Variants in ANKZF1 observed in about 807,000 individuals in gnomAD.
ANKZF1 encodes ankyrin repeat and zinc finger peptidyl tRNA hydrolase 1.
A neutral mutation model predicts 86.0 loss-of-function variants in ANKZF1; 84 were observed. The observed-to-expected ratio is 0.98, with a 90% confidence interval of 0.82 to 1.17. The LOEUF is 1.17. ANKZF1 is among the 50% of genes most tolerant of loss of function. The probability of loss-of-function intolerance (pLI) is 0.00; values close to 1 mark genes in which losing one functional copy is unlikely to be tolerated. For synonymous variants in ANKZF1, 331 were observed against 354.2 expected, an observed-to-expected ratio of 0.93 and a Z score of 0.74; for missense variants, 893 against 918.4, an observed-to-expected ratio of 0.97 and a Z score of 0.36.
chr2:219,230,622 A>G lies in ANKZF1; in HGVS notation c.148+217A>G, dbSNP rs1574842249. Reference sequence around the variant, plus strand: ...GCATGTATCTCCTCACGTTAACACCATTCCCTTCAAAAACACTTTAAACTT... The same window carrying G: ...GCATGTATCTCCTCACGTTAACACCGTTCCCTTCAAAAACACTTTAAACTT... On this transcript the variant is annotated intron_variant, in intron 2 of 13. Transcript: ENST00000323348. 5 of 469,110 alleles carry G rather than the reference A, an allele frequency of 1.1e-5. 1 individual carries two copies. In the Admixed American group the frequency reaches 1.7e-4, roughly 16 times the overall value. The allele number at this position is 469,110 out of a possible 1,614,324, so 29.1% of individuals were successfully genotyped here. A position where few individuals can be genotyped will look rare whatever the true frequency, so the allele number is the denominator to read the frequency against.
rs76130952 is a variant in ANKZF1, at chr2:219,235,741, C to T, written c.1837C>T (p.Arg613Trp). The change falls in exon 12 of 14, where the codon CGG (arginine) becomes TGG (tryptophan). Residue 613 changes from arginine to tryptophan, a missense_variant. Transcript: ENST00000323348. ...PGPLTPEMEA[R>W]QATRKREQKA... ...ACCATTGACACCAGAAATGGAGGCA[C>T]GGCAGGCTACACGGAAAAGGGAGCA... The T allele has an allele frequency of 1.7e-5, 27 of 1,614,112 alleles. No individual in the cohort carries two copies. Among genetic ancestry groups the T allele is most frequent in the South Asian group, 4.4e-5 (4 of 91,080 alleles).
In ANKZF1 at chr2:219,235,535, C is replaced by T. The variant is rs370396125; in HGVS notation, c.1753C>T (p.Arg585Ter). ...AADKSTRNEF[R>*]RFMEKNPDAY... ...TGACAAATCAACACGTAATGAGTTC[C>T]GAAGGTTCATGGAGAAGAATCCAGA... The change falls in exon 11 of 14, where the codon CGA becomes TGA. Residue 585 changes from arginine to a stop codon, truncating the protein, a stop_gained. Coordinates refer to ENST00000323348, the MANE Select transcript of ANKZF1 (RefSeq NM_018089.3). LOFTEE classifies it high-confidence loss of function. 34 of 1,613,954 alleles carry T rather than the reference C, an allele frequency of 2.1e-5. No individual in the cohort carries two copies. The highest frequency in any genetic ancestry group is 6.7e-5 in the East Asian group (3 of 44,852).
At position 219,235,832 on chromosome 2, in the gene ANKZF1, G is replaced by A. The variant is rs370350754; in HGVS notation, c.1928G>A (p.Arg643Gln). 6.8e-6 allele frequency: 11 copies of A among 1,614,078 alleles called. No individual in the cohort carries two copies. In the East Asian group the frequency reaches 1.1e-4, roughly 16 times the overall value. The change falls in exon 12 of 14, where the codon CGA becomes CAA. Residue 643 changes from arginine (R) to glutamine (Q), a missense_variant. Arg to Gln is a conservative substitution (Grantham distance 43). Transcript: ENST00000323348. ...CAGCAGGAGCAGGAGGAGCGTGAAC[G>A]AGAAGAGCAGCGGCGATTTGCCGCC... is the stretch of plus-strand genomic sequence containing the variant. Reference protein sequence around the residue: ...QRQQEQEEREREEQRRFAALS... With the variant: ...QRQQEQEEREQEEQRRFAALS...
At chr2:219,236,280 T>G in intron 13 of ANKZF1, 42 bp from the exon 14 acceptor site, 1 of 1,613,120 alleles carries the variant, frequency 6.2e-7, no homozygotes, top group Non-Finnish European at 8.5e-7. Context: ...ATTGGAAAGT[T>G]TCTGGGGTAC....
Position 219,231,860 on chromosome 2 carries a change from T to C in ANKZF1, c.149-68T>C, listed in dbSNP as rs778858947. ...CTCCTCTGCTTTGTATATCACACTC[T>C]GAATATAATTCTTGTCACTGTGGAT... is the stretch of plus-strand genomic sequence containing the variant. On this transcript the variant is annotated intron_variant, in intron 2 of 13. Coordinates refer to ENST00000323348, the MANE Select transcript of ANKZF1 (RefSeq NM_018089.3). 3 of 1,300,828 alleles carry C rather than the reference T, an allele frequency of 2.3e-6. No homozygotes were observed. The East Asian group carries it at 6.9e-5, about 30-fold the overall frequency. The allele number at this position is 1,300,828 out of a possible 1,614,324, so 80.6% of individuals were successfully genotyped here. A position where few individuals can be genotyped will look rare whatever the true frequency, so the allele number is the denominator to read the frequency against.
In ANKZF1 at chr2:219,235,507, G is replaced by C; in HGVS notation, c.1725G>C (p.Ala575=). Residue 575 remains alanine, a synonymous_variant, in exon 11 of 14, where the codon GCG becomes GCC. Coordinates refer to ENST00000323348, the MANE Select transcript of ANKZF1 (RefSeq NM_018089.3). ...GGGCCCGGCCACCTTATACTGTTGC[G>C]GCTGACAAATCAACACGTAATGAGT... is the stretch of plus-strand genomic sequence containing the variant. The part of the protein sequence containing the change: ...DSRARPPYTV[A]ADKSTRNEFR... The C allele has an allele frequency of 1.2e-6, 2 of 1,613,898 alleles. No homozygotes were observed. The highest frequency in any genetic ancestry group is 1.7e-6 in the Non-Finnish European group (2 of 1,180,010).
At chr2:219,232,237 C>G (rs745593190) in intron 3 of ANKZF1, 23 bp from the exon 4 acceptor site, 2 of 1,608,578 alleles carry the variant, frequency 1.2e-6, no homozygotes, top group African/African-American at 1.3e-5. Context: ...CCACCTTTAT[C>G]TCACTCTTTG....
rs763549438 is a variant in ANKZF1 at position 219,231,908 on chromosome 2, A to T, written c.149-20A>T. 6.2e-7 allele frequency: 1 copy of T among 1,603,126 alleles called. No homozygotes were observed. The highest frequency in any genetic ancestry group is 8.5e-7 in the Non-Finnish European group (1 of 1,170,150). ...GATTTGGGCTCCCTTTCTATGTCCA[A>T]TTCCTCTTCCCTTATTTAGGCTCAG... On this transcript the variant is annotated intron_variant, in intron 2 of 13. Coordinates refer to ENST00000323348, the MANE Select transcript of ANKZF1 (RefSeq NM_018089.3).
chr2:219,229,930 A>G lies in ANKZF1; in HGVS notation c.-31+30A>G. Reference sequence around the variant, plus strand: ...GTCTTCTAAGGGCGTGGGCGAGTTTACGCGGGCCAGTTGTTGCTGGTCGCA... The same window carrying G: ...GTCTTCTAAGGGCGTGGGCGAGTTTGCGCGGGCCAGTTGTTGCTGGTCGCA... On this transcript the variant is annotated intron_variant, in intron 1 of 13. Coordinates refer to ENST00000323348, the MANE Select transcript of ANKZF1 (RefSeq NM_018089.3). The surrounding 1 kb of genome is among the most constrained non-coding windows in gnomAD (Gnocchi z 4.2). 4.3e-6 allele frequency: 1 copy of G among 233,924 alleles called. No individual in the cohort carries two copies. Among genetic ancestry groups the G allele is most frequent in the Non-Finnish European group, 8.4e-6 (1 of 118,890 alleles). The allele number at this position is 233,924 out of a possible 1,614,324, so 14.5% of individuals were successfully genotyped here.
In ANKZF1 at chr2:219,235,024, CCACA is replaced by C. The variant is rs1559257581; in HGVS notation, c.1406_1409del (p.Thr469SerfsTer41). On this transcript the variant is annotated frameshift_variant, in exon 10 of 14. Coordinates refer to ENST00000323348, the MANE Select transcript of ANKZF1 (RefSeq NM_018089.3). LOFTEE classifies it high-confidence loss of function. Reference sequence around the variant, plus strand: ...CAGCAAACTCAAGAAGAGGAGCCTTCCACACAGTCATCCCAGGCAGTTGCTGCCC... The same window carrying C: ...CAGCAAACTCAAGAAGAGGAGCCTTCCAGTCATCCCAGGCAGTTGCTGCCC... 3 of 1,614,150 alleles carry C rather than the reference CCACA, an allele frequency of 1.9e-6. No homozygotes were observed.
At chr2:219,233,254 G>A in intron 6 of ANKZF1, 32 bp from the exon 7 acceptor site, 1 of 1,614,214 alleles carries the variant, frequency 6.2e-7, no homozygotes, top group Non-Finnish European at 8.5e-7. Flanking sequence ...AGCACCAGCT[G>A]GTCTCCAGTA....
chr2:219,233,063 C>T lies in ANKZF1; in HGVS notation c.559-16C>T, dbSNP rs572528107. 1 of 1,608,836 alleles carries T rather than the reference C, an allele frequency of 6.2e-7. No individual in the cohort carries two copies. Among genetic ancestry groups the T allele is most frequent in the South Asian group, 1.1e-5 (1 of 90,952 alleles). On this transcript the variant is annotated splice_polypyrimidine_tract_variant and intron_variant, in intron 5 of 13. Transcript: ENST00000323348. ...GAATGCAACAGATATGTTTCTGATG[C>T]TTCTCTGTCATCAAGGATCCCCCAG...
In ANKZF1 at chr2:219,232,659, C is replaced by T; in HGVS notation, c.534C>T (p.Tyr178=). ...QNAQGQFLYA[Y]RCVLGPHQDP... ...CCCAGGGCCAGTTTCTTTATGCCTA[C>T]CGCTGTGTCCTAGGCCCTCATCAGG... is the stretch of plus-strand genomic sequence containing the variant. Residue 178 remains tyrosine, a synonymous_variant, in exon 5 of 14, where the codon TAC becomes TAT. Transcript: ENST00000323348. 6.2e-7 allele frequency: 1 copy of T among 1,614,140 alleles called. No individual in the cohort carries two copies. Among genetic ancestry groups the T allele is most frequent in the Non-Finnish European group, 8.5e-7 (1 of 1,180,028 alleles).
rs376794951 is a variant in ANKZF1 at position 219,234,960 on chromosome 2, A to C, written c.1339A>C (p.Ser447Arg). ...RRRKRNKKEK[S>R]RDQEAGAHRT... is the part of the protein sequence containing the mutation. Reference sequence around the variant, plus strand: ...GAGAAAAAGGAATAAGAAGGAGAAAAGCCGAGACCAGGAGGCTGGGGCACA... The same window carrying C: ...GAGAAAAAGGAATAAGAAGGAGAAACGCCGAGACCAGGAGGCTGGGGCACA... Residue 447 changes from serine (S) to arginine (R), a missense_variant, in exon 10 of 14, where the codon AGC becomes CGC. Ser to Arg is a moderately radical substitution (Grantham distance 110). Coordinates refer to ENST00000323348, the MANE Select transcript of ANKZF1 (RefSeq NM_018089.3). The C allele has an allele frequency of 6.2e-7, 1 of 1,614,106 alleles. No individual in the cohort carries two copies. The highest frequency in any genetic ancestry group is 8.5e-7 in the Non-Finnish European group (1 of 1,180,050).
chr2:219,234,266 G>T lies in ANKZF1; in HGVS notation c.1182G>T (p.Gln394His), dbSNP rs1202541229. ...ICRDEKEALG[Q>H]NEESPKQGSG... ...GGGATGAAAAGGAAGCGCTGGGGCA[G>T]AATGAGGAATCTCCCAAACAGGGTT... is the stretch of plus-strand genomic sequence containing the variant. Residue 394 changes from glutamine to histidine, a missense_variant, in exon 9 of 14, where the codon CAG becomes CAT. By Grantham distance (24) the Gln-to-His change is conservative. Transcript: ENST00000323348. The T allele has an allele frequency of 1.3e-5, 21 of 1,613,954 alleles. No homozygotes were observed. The highest frequency in any genetic ancestry group is 1.7e-5 in the Non-Finnish European group (20 of 1,180,030).
intron 9 of ANKZF1, 61 bp downstream of exon 9, chr2:219,234,349 A>C (rs1363769691): frequency 7.5e-6 from 12 of 1,605,940 alleles, no homozygotes; most frequent in Non-Finnish European, 1.0e-5. Context: ...GCACTGGCAA[A>C]TTCCCTACTC....
rs780200272 is a variant in ANKZF1 at position 219,235,568 on chromosome 2, G to A, written c.1786G>A (p.Asp596Asn). 3.6e-5 allele frequency: 58 copies of A among 1,613,884 alleles called. No homozygotes were observed. The Admixed American group carries it at 7.5e-4, about 21-fold the overall frequency. ...CATGGAGAAGAATCCAGATGCCTACGATTACAACAAGGCTCAGGTCATCTG... is the reference window on the plus strand; with the variant it reads ...CATGGAGAAGAATCCAGATGCCTACAATTACAACAAGGCTCAGGTCATCTG... ...RFMEKNPDAY[D>N]YNKAQVPGPL... Residue 596 changes from aspartate (D) to asparagine (N), a missense_variant, in exon 11 of 14, where the codon GAT becomes AAT. Coordinates refer to ENST00000323348, the MANE Select transcript of ANKZF1 (RefSeq NM_018089.3).
At position 219,236,312 on chromosome 2, in the gene ANKZF1, T is replaced by C. The variant is rs960390483; in HGVS notation, c.2058-10T>C. On this transcript the variant is annotated splice_polypyrimidine_tract_variant and intron_variant, in intron 13 of 13. Coordinates refer to ENST00000323348, the MANE Select transcript of ANKZF1 (RefSeq NM_018089.3). The stretch of plus-strand genomic sequence containing the variant: ...GTACCTGTCCAGCCATTTTTCTTCC[T>C]CTTGTTCAGACGCTGCTGGAGTTGT... The C allele has an allele frequency of 5.0e-6, 8 of 1,613,976 alleles. No individual in the cohort carries two copies. Among genetic ancestry groups the C allele is most frequent in the Non-Finnish European group, 6.8e-6 (8 of 1,180,038 alleles).
rs1411520603 is a variant in ANKZF1, at chr2:219,235,009, A to T, written c.1388A>T (p.Gln463Leu). 4.3e-6 allele frequency: 7 copies of T among 1,614,134 alleles called. No homozygotes were observed. The highest frequency in any genetic ancestry group is 3.3e-5 in the Admixed American group (2 of 60,014). The change falls in exon 10 of 14, where the codon CAA (glutamine) becomes CTA (leucine). Residue 463 changes from glutamine (Q) to leucine (L), a missense_variant. Transcript: ENST00000323348. ...CATCGGACTCTTCTCCAGCAAACTC[A>T]AGAAGAGGAGCCTTCCACACAGTCA... ...GAHRTLLQQTQEEEPSTQSSQ... is the reference protein window; with the variant it reads ...GAHRTLLQQTLEEEPSTQSSQ...
Sources: allele counts gnomAD v4.1 joint callset, GRCh38; gene constraint gnomAD v4.1.1; non-coding constraint Gnocchi (gnomAD v3.1); transcripts MANE v1.5; gene names NCBI Gene and HGNC (gene_info 2026-07-23, HGNC 2026-07-21).